PDE4D: variants seen among roughly 807,000 people sequenced by gnomAD.
The protein encoded by PDE4D is phosphodiesterase 4D.
A neutral mutation model predicts 87.4 loss-of-function variants in PDE4D; 24 were observed. The observed-to-expected ratio is 0.27, with a 90% confidence interval of 0.20 to 0.39. The LOEUF (loss-of-function observed/expected upper bound fraction) is 0.39, where lower values mean the gene tolerates loss of function less well. Ranked by LOEUF, PDE4D falls within the 10% of genes least tolerant of loss-of-function variation. The pLI is 1.00. For synonymous variants in PDE4D, 384 were observed against 383.2 expected (o/e 1.00, Z -0.02); for missense variants, 714 against 1,041.0 (o/e 0.69, Z 4.32).
chr5:59,926,266 T>A (rs762241496), intron 3 of PDE4D, among the ~76,000 whole-genome samples: 19 of 151,966 alleles, frequency 1.3e-4, no homozygotes, highest in Non-Finnish European at 1.9e-4. Context: ...GAATGAGCAG[T>A]GAGTCAATGA....
chr5:60,236,348 A>G (rs566414437), intron 1 of PDE4D, among the ~76,000 whole-genome samples: 2 of 152,096 alleles, frequency 1.3e-5, no homozygotes, highest in East Asian at 3.9e-4. Context: ...CAAATATTAT[A>G]GAGGACTTAT....
chr5:59,601,174 A>C (rs1186719024), intron 1 of PDE4D, among the ~76,000 whole-genome samples: 4 of 152,196 alleles, frequency 2.6e-5, no homozygotes, highest in Non-Finnish European at 5.9e-5. Context: ...CACATTCGTA[A>C]GAACAGCAGA....
intron 1 of PDE4D, among the ~76,000 whole-genome samples, chr5:60,419,003 A>T (rs1294921766): frequency 6.6e-6 from 1 of 152,206 alleles, no homozygotes; most frequent in Non-Finnish European, 1.5e-5. Flanking sequence ...ACTGCAGGTA[A>T]AACAAAAAAG....
chr5:59,970,315 A>G (rs1581967401), intron 3 of PDE4D, among the ~76,000 whole-genome samples: 1 of 152,324 alleles, frequency 6.6e-6, no homozygotes, highest in Admixed American at 6.5e-5. Context: ...TTCATGTCTA[A>G]AACACCAAAA....
intron 1 of PDE4D, among the ~76,000 whole-genome samples, chr5:60,189,371 A>G (rs1260460421): frequency 2.0e-5 from 3 of 152,206 alleles, no homozygotes; most frequent in African/African-American, 7.2e-5. Flanking sequence ...ATCAGATGAA[A>G]TAAGTTCTAC....
chr5:59,154,832 G>A (rs1331245381), intron 5 of PDE4D, among the ~76,000 whole-genome samples: 1 of 152,178 alleles, frequency 6.6e-6, no homozygotes, highest in Non-Finnish European at 1.5e-5. Flanking sequence ...GTTACAGTGA[G>A]CTTAAATCTT....
chr5:58,992,277 G>A (rs184442962), intron 7 of PDE4D, among the ~76,000 whole-genome samples: 54 of 152,180 alleles, frequency 3.5e-4, no homozygotes, highest in African/African-American at 1.2e-3. Flanking sequence ...AATAAAAAAT[G>A]CTGCAAGACT....
chr5:59,392,582 A>G (rs1037526690), intron 1 of PDE4D, among the ~76,000 whole-genome samples: 1 of 151,356 alleles, frequency 6.6e-6, no homozygotes, highest in African/African-American at 2.4e-5. Context: ...TTATTGAATC[A>G]ACTTTTTAAA....
chr5:60,256,119 C>T (rs1749022252), intron 1 of PDE4D, among the ~76,000 whole-genome samples: 1 of 151,874 alleles, frequency 6.6e-6, no homozygotes, highest in African/African-American at 2.4e-5. Context: ...TATATGGACT[C>T]TCTTGAGAGT....
chr5:59,701,343 T>TA (rs1752531415), intron 1 of PDE4D, among the ~76,000 whole-genome samples: 1 of 152,194 alleles, frequency 6.6e-6, no homozygotes, highest in South Asian at 2.1e-4. Context: ...TCTACGTAAA[T>TA]ATTTGCTTCC....
intron 1 of PDE4D, among the ~76,000 whole-genome samples, chr5:59,866,651 AAAAAAT>A (rs1179993818): frequency 6.6e-6 from 1 of 152,142 alleles, no homozygotes; most frequent in Non-Finnish European, 1.5e-5. Flanking sequence ...TTTGTCTGTA[AAAAAAT>A]AAAAATAAAA....
chr5:60,238,776 A>T lies in PDE4D; in HGVS notation c.-89-53089T>A, dbSNP rs184789813. ...TTTGTTGGTTGTATATACTATAAAT[A>T]TCTCCTATTCTGAAGTTTTTTAAAA... On this transcript the variant is annotated intron_variant, in intron 1 of 16. Coordinates refer to the PDE4D transcript ENST00000502484. 2.2e-3 allele frequency among the ~76,000 whole-genome samples: 337 copies of T among 152,140 alleles called. 2 individuals carry two copies. Among genetic ancestry groups the T allele is most frequent in the African/African-American group, 7.7e-3 (322 of 41,566 alleles).
chr5:60,429,083 A>G (rs962010423), intron 1 of PDE4D, among the ~76,000 whole-genome samples: 7 of 152,180 alleles, frequency 4.6e-5, no homozygotes, highest in African/African-American at 1.7e-4. Flanking sequence ...TGTATGATAA[A>G]TGTTATGGTT....
intron 1 of PDE4D, among the ~76,000 whole-genome samples, chr5:59,764,853 C>T (rs13186779): frequency 0.17 from 25,601 of 151,794 alleles, 2,548 homozygotes; most frequent in Middle Eastern, 0.32. Flanking sequence ...GACGGTGTTT[C>T]GCCATGTTGC....
At chr5:59,646,555 T>G (rs1192658683) in intron 1 of PDE4D, among the ~76,000 whole-genome samples, 1 of 152,198 alleles carries the variant, frequency 6.6e-6, no homozygotes, top group African/African-American at 2.4e-5. Flanking sequence ...GCCTTGTAAG[T>G]GTTGGTAGTA....
chr5:59,168,932 C>T (rs921528487), intron 5 of PDE4D, among the ~76,000 whole-genome samples: 1 of 152,166 alleles, frequency 6.6e-6, no homozygotes, highest in Non-Finnish European at 1.5e-5. Context: ...ACGGTGTCTA[C>T]CTCTTTGGAT....
chr5:60,329,964 G>A (rs531323826), intron 1 of PDE4D, among the ~76,000 whole-genome samples: 1 of 152,348 alleles, frequency 6.6e-6, no homozygotes, highest in South Asian at 2.1e-4. Context: ...TTAAGCCTGT[G>A]TCAGTGAGCA....
At chr5:59,012,567 A>T (rs10062986) in intron 6 of PDE4D, among the ~76,000 whole-genome samples, 15,750 of 152,150 alleles carry the variant, frequency 0.1, 1,291 homozygotes, top group East Asian at 0.47. Context: ...GGCCATTACA[A>T]AATGGTAAAG....
chr5:59,744,029 A>G (rs912958769), intron 1 of PDE4D, among the ~76,000 whole-genome samples: 1 of 152,156 alleles, frequency 6.6e-6, no homozygotes, highest in Admixed American at 6.5e-5. Flanking sequence ...TATAATCTAA[A>G]TGCTTAATGT....
Sources: allele counts gnomAD v4.1 joint callset (sites outside exome capture counted in the v4.1 genomes callset), GRCh38; gene constraint gnomAD v4.1.1; transcripts MANE v1.5; gene names NCBI Gene and HGNC (gene_info 2026-07-23, HGNC 2026-07-21).